CERKL: variants seen among roughly 807,000 people sequenced by gnomAD.
CERKL encodes CERK like autophagy regulator, also known as ceramide kinase-like protein.
In CERKL, 61 loss-of-function variants were observed where a neutral mutation model predicts 63.4. The observed-to-expected ratio is 0.96, with a 90% CI of 0.78 to 1.19. CERKL has a LOEUF of 1.19. CERKL is among the 50% of genes most tolerant of loss of function. The pLI is 0.00. For synonymous variants in CERKL, 250 were observed against 230.5 expected (o/e 1.08, Z -0.77); for missense variants, 675 against 655.5 (o/e 1.03, Z -0.33).
intron 11 of CERKL, among the ~76,000 whole-genome samples, chr2:181,542,867 T>C (rs1305690623): frequency 6.6e-6 from 1 of 152,138 alleles, no homozygotes; most frequent in Non-Finnish European, 1.5e-5. Context: ...AAGGTAACCA[T>C]TGCTTTTAAA....
At chr2:181,574,641 G>A (rs1216241414) in intron 2 of CERKL, among the ~76,000 whole-genome samples, 1 of 152,124 alleles carries the variant, frequency 6.6e-6, no homozygotes, top group Admixed American at 6.5e-5. Flanking sequence ...CTGTTGTTAG[G>A]AAGGGGCAGG....
At chr2:181,552,525 C>A (rs1223251923) in intron 5 of CERKL, among the ~76,000 whole-genome samples, 1 of 152,152 alleles carries the variant, frequency 6.6e-6, no homozygotes, top group African/African-American at 2.4e-5. Context: ...CCTGAGGCCT[C>A]CCCAGCCATG....
At chr2:181,578,469 T>A (rs566847883) in intron 2 of CERKL, among the ~76,000 whole-genome samples, 2 of 149,920 alleles carry the variant, frequency 1.3e-5, no homozygotes, top group African/African-American at 5.1e-5. Context: ...CCAGCTAATT[T>A]TTATATTTTT....
At chr2:181,599,665 T>C (rs572948846) in intron 2 of CERKL, among the ~76,000 whole-genome samples, 1 of 151,726 alleles carries the variant, frequency 6.6e-6, no homozygotes, top group South Asian at 2.1e-4. Flanking sequence ...ACATAAAGAA[T>C]CTGAAAAATG....
chr2:181,600,854 T>C lies in CERKL; in HGVS notation c.481+2983A>G, dbSNP rs547928275. ...GACTTAAATCAGACTCTTGACCAAA[T>C]GGACCTGACAGACATCTGCAGAATA... is the stretch of plus-strand genomic sequence containing the variant. On this transcript the variant is annotated intron_variant, in intron 2 of 12. Coordinates refer to ENST00000410087, the MANE Select transcript of CERKL (RefSeq NM_201548.5). 2.6e-5 allele frequency among the ~76,000 whole-genome samples: 4 copies of C among 152,314 alleles called. No individual in the cohort carries two copies. In the East Asian group the frequency reaches 7.7e-4, roughly 29 times the overall value.
At chr2:181,576,143 G>A (rs1253230804) in intron 2 of CERKL, among the ~76,000 whole-genome samples, 1 of 152,142 alleles carries the variant, frequency 6.6e-6, no homozygotes, top group Non-Finnish European at 1.5e-5. Context: ...AACAAAAGAT[G>A]AGAAGGGAAC....
intron 2 of CERKL, among the ~76,000 whole-genome samples, chr2:181,590,688 A>G (rs1357788177): frequency 1.3e-5 from 2 of 152,204 alleles, no homozygotes; most frequent in Admixed American, 6.5e-5. Context: ...AAAGATGCTG[A>G]ACTTTAATGT....
At position 181,536,758 on chromosome 2, in the gene CERKL, CTTTAAATACAATCA is replaced by C; in HGVS notation, c.*1412_*1425del. On this transcript the variant is annotated 3_prime_UTR_variant, in exon 13 of 13. Coordinates refer to ENST00000410087, the MANE Select transcript of CERKL (RefSeq NM_201548.5). The stretch of plus-strand genomic sequence containing the variant: ...TGACTTTCTGGATTTTAAAAAATTT[CTTTAAATACAATCA>C]TTTTTGTAATATTTATTTTATGCTT... 1 of 244,784 alleles carries C rather than the reference CTTTAAATACAATCA, an allele frequency of 4.1e-6. No homozygotes were observed. Among genetic ancestry groups the C allele is most frequent in the Non-Finnish European group, 8.2e-6 (1 of 121,442 alleles). The allele number at this position is 244,784 out of a possible 1,614,324, so 15.2% of individuals were successfully genotyped here.
chr2:181,580,139 C>T (rs146801991), intron 2 of CERKL, among the ~76,000 whole-genome samples: 3,368 of 151,904 alleles, frequency 0.022, 76 homozygotes, highest in Middle Eastern at 0.034. Context: ...TATAAATTAT[C>T]TTAAGATCAA....
chr2:181,644,961 T>C (rs1687606721), intron 1 of CERKL, among the ~76,000 whole-genome samples: 2 of 152,176 alleles, frequency 1.3e-5, no homozygotes, highest in Non-Finnish European at 2.9e-5. Context: ...GATGCAGAGA[T>C]AGGCAGGAGC....
chr2:181,567,277 A>T (rs1274114657), intron 3 of CERKL, among the ~76,000 whole-genome samples: 1 of 152,198 alleles, frequency 6.6e-6, no homozygotes, highest in African/African-American at 2.4e-5. Context: ...TTATAACTAC[A>T]GCAAGTACTT....
rs1374274767 is a variant in CERKL, at chr2:181,537,290, A to G, written c.*894T>C. 2.2e-6 allele frequency: 1 copy of G among 453,716 alleles called. No individual in the cohort carries two copies. The highest frequency in any genetic ancestry group is 4.4e-6 in the Non-Finnish European group (1 of 226,536). The allele number at this position is 453,716 out of a possible 1,614,324, so 28.1% of individuals were successfully genotyped here. ...CTCAGAACTACTCAGAAACAACTAT[A>G]TATTTCAGGTTATCTGAGCACAGTG... On this transcript the variant is annotated 3_prime_UTR_variant, in exon 13 of 13. Coordinates refer to ENST00000410087, the MANE Select transcript of CERKL (RefSeq NM_201548.5).
rs1364180726 is a variant in CERKL, at chr2:181,558,777, G to A, written c.678-69C>T. 2 of 1,512,762 alleles carry A rather than the reference G, an allele frequency of 1.3e-6. No individual in the cohort carries two copies. The highest frequency in any genetic ancestry group is 1.8e-6 in the Non-Finnish European group (2 of 1,091,702). 93.7% of individuals were successfully genotyped at this position (1,512,762 alleles called of 1,614,324 possible). A position where few individuals can be genotyped will look rare whatever the true frequency, so the allele number is the denominator to read the frequency against. On this transcript the variant is annotated intron_variant, in intron 4 of 12. Transcript: ENST00000410087. This position sits in a 1 kb window ranked among gnomAD's most constrained non-coding sequence, Gnocchi z 4.2. ...GATTGGTAATAAGTCATGAAATCTA[G>A]ACTTCAAAATAGTTTACTAATTTGT...
At chr2:181,647,588 C>T (rs1457584952) in intron 1 of CERKL, among the ~76,000 whole-genome samples, 2 of 152,096 alleles carry the variant, frequency 1.3e-5, no homozygotes, top group Non-Finnish European at 2.9e-5. Flanking sequence ...GTACCATACC[C>T]AACCAACACT....
intron 5 of CERKL, among the ~76,000 whole-genome samples, chr2:181,556,300 T>A: frequency 6.6e-6 from 1 of 152,028 alleles, no homozygotes; most frequent in Non-Finnish European, 1.5e-5. Context: ...TGTGCAGGTT[T>A]GTTACATATG....
chr2:181,544,665 C>T (rs1207748803), intron 11 of CERKL, 35 bp downstream of exon 11: 1 of 1,229,366 alleles, frequency 8.1e-7, no homozygotes, highest in East Asian at 2.3e-5. Flanking sequence ...TGATTAATAG[C>T]TTTGCAAATA....
intron 1 of CERKL, among the ~76,000 whole-genome samples, chr2:181,620,763 G>A (rs757236948): frequency 1.3e-5 from 2 of 152,180 alleles, no homozygotes; most frequent in South Asian, 2.1e-4. Context: ...ACTTTGGGGT[G>A]CACAGTGGCA....
At chr2:181,555,125 A>T (rs779864027) in intron 5 of CERKL, among the ~76,000 whole-genome samples, 4 of 152,212 alleles carry the variant, frequency 2.6e-5, no homozygotes, top group Non-Finnish European at 5.9e-5. Context: ...ATACTAAAAC[A>T]TAAGAATAAC....
intron 1 of CERKL, among the ~76,000 whole-genome samples, chr2:181,656,553 G>C (rs1688163895): frequency 6.6e-6 from 1 of 152,104 alleles, no homozygotes; most frequent in Non-Finnish European, 1.5e-5. Context: ...AGAATCCCTG[G>C]GGGTTCTGGG....
Sources: gnomAD v4.1 joint callset for allele counts (sites outside exome capture counted in the v4.1 genomes callset) on GRCh38, gnomAD v4.1.1 for gene constraint, Gnocchi (gnomAD v3.1) non-coding constraint, MANE v1.5 for transcripts, NCBI Gene and HGNC (gene_info 2026-07-23, HGNC 2026-07-21) for gene names.